Variants in NDST3 observed in about 807,000 individuals in gnomAD.
NDST3 encodes bifunctional heparan sulfate N-deacetylase/N-sulfotransferase 3.
Under a neutral mutation model 96.1 loss-of-function variants are expected in NDST3, and 58 were observed. The ratio of observed to expected loss-of-function variants is 0.60; its 90% confidence interval spans 0.49 to 0.75. NDST3 has a LOEUF of 0.75. Among genes scored for constraint, NDST3 ranks in the 30% least tolerant of loss-of-function variants. The pLI, the probability that NDST3 is intolerant of heterozygous loss-of-function variation, is 0.00. For missense variants in NDST3, 788 were observed against 1,034.2 expected (o/e 0.76, Z 3.27); for synonymous variants, 333 against 359.7 (o/e 0.93, Z 0.84).
chr4:118,253,482 AT>A lies in NDST3; in HGVS notation c.2400-15del. On this transcript the variant is annotated splice_polypyrimidine_tract_variant and intron_variant, in intron 12 of 13. Transcript: ENST00000296499. ...ATGATTTTCTGGTTTTTCTGTGTGT[AT>A]TCTTTTTTTTTTTAGGTTTGATTCT... 4.9e-6 allele frequency: 7 copies of A among 1,441,670 alleles called. No individual in the cohort carries two copies. Among genetic ancestry groups the A allele is most frequent in the Non-Finnish European group, 6.5e-6 (7 of 1,071,556 alleles). The allele number at this position is 1,441,670 out of a possible 1,614,324, so 89.3% of individuals were successfully genotyped here.
At chr4:118,100,485 G>C (rs189558004) in intron 2 of NDST3, among the ~76,000 whole-genome samples, 65 of 152,088 alleles carry the variant, frequency 4.3e-4, no homozygotes, top group African/African-American at 1.5e-3. Context: ...CCTGTCTCTG[G>C]AAAATCCTAA....
chr4:118,253,469 T>C (rs1285451498), intron 12 of NDST3, 30 bp from the exon 13 acceptor site: 2 of 1,476,184 alleles, frequency 1.4e-6, no homozygotes, highest in African/African-American at 3.0e-5. Flanking sequence ...GATTTTCTGG[T>C]TTTTCTGTGT....
intron 6 of NDST3, among the ~76,000 whole-genome samples, chr4:118,151,577 A>G (rs1734403460): frequency 6.6e-6 from 1 of 152,066 alleles, no homozygotes; most frequent in Non-Finnish European, 1.5e-5. Context: ...CTTTAGGTAA[A>G]TGTTAGGATC....
At chr4:118,252,904 GA>G (rs919145732) in intron 12 of NDST3, among the ~76,000 whole-genome samples, 2 of 151,522 alleles carry the variant, frequency 1.3e-5, no homozygotes, top group Admixed American at 1.3e-4. Flanking sequence ...AAAAGAGAAA[GA>G]AAAAAGAAAA....
In NDST3 at chr4:118,258,036, A is replaced by G. The variant is rs1384939381; in HGVS notation, c.*2324A>G. On this transcript the variant is annotated 3_prime_UTR_variant, in exon 14 of 14. Transcript: ENST00000296499. ...GAAAAACTGATACATTTATGCTTTA[A>G]TGGTAAGATGTACATTTGAACTGCT... 6.6e-6 allele frequency: 1 copy of G among 152,236 alleles called. No individual in the cohort carries two copies. Among genetic ancestry groups the G allele is most frequent in the East Asian group, 1.9e-4 (1 of 5,206 alleles). The allele number at this position is 152,236 out of a possible 1,614,324, so 9.4% of individuals were successfully genotyped here. A position where few individuals can be genotyped will look rare whatever the true frequency, so the allele number is the denominator to read the frequency against.
intron 4 of NDST3, among the ~76,000 whole-genome samples, chr4:118,118,923 T>C (rs1340715642): frequency 2.0e-5 from 3 of 152,190 alleles, no homozygotes; most frequent in African/African-American, 7.2e-5. Context: ...ATACTCTCAA[T>C]TGAAGAACTG....
chr4:118,193,475 G>C (rs1465684543), intron 6 of NDST3: 1 of 773,628 alleles, frequency 1.3e-6, no homozygotes, highest in Non-Finnish European at 2.2e-6. Context: ...CTCTGTGTCA[G>C]TGAGATTGTC....
At chr4:118,088,831 G>T (rs545903333) in intron 2 of NDST3, among the ~76,000 whole-genome samples, 1 of 152,012 alleles carries the variant, frequency 6.6e-6, no homozygotes, top group Admixed American at 6.6e-5. Context: ...AGAAGTTTAG[G>T]TATTAACTCA....
chr4:118,208,167 A>C (rs533043907), intron 6 of NDST3, among the ~76,000 whole-genome samples: 1 of 144,316 alleles, frequency 6.9e-6, no homozygotes, highest in African/African-American at 2.6e-5. Context: ...ATAATACACC[A>C]AATGTGAATC....
At chr4:118,095,652 T>A (rs1025580107) in intron 2 of NDST3, among the ~76,000 whole-genome samples, 6 of 151,876 alleles carry the variant, frequency 4.0e-5, no homozygotes, top group Admixed American at 3.9e-4. Flanking sequence ...ATTCACAGTA[T>A]TGTGCCACTA....
At chr4:118,053,390 G>A (rs947854056) in intron 1 of NDST3, among the ~76,000 whole-genome samples, 38 of 151,980 alleles carry the variant, frequency 2.5e-4, no homozygotes, top group African/African-American at 8.5e-4. Flanking sequence ...AACAGCTTGA[G>A]TATGTATTAC....
intron 2 of NDST3, among the ~76,000 whole-genome samples, chr4:118,098,565 C>T (rs1407119475): frequency 3.9e-5 from 6 of 152,022 alleles, no homozygotes; most frequent in Non-Finnish European, 8.8e-5. Flanking sequence ...GAAAATCATT[C>T]TTCACCGCTG....
chr4:118,203,104 G>A (rs919085236), intron 6 of NDST3, among the ~76,000 whole-genome samples: 3 of 152,104 alleles, frequency 2.0e-5, no homozygotes, highest in Admixed American at 6.6e-5. Context: ...TGCTTATGTA[G>A]TGAATCACAT....
rs572332213 is a variant in NDST3, at chr4:118,068,616, CA to C, written c.981+13726del. 9.1e-4 allele frequency among the ~76,000 whole-genome samples: 138 copies of C among 152,042 alleles called. 2 individuals are homozygous for C. Among genetic ancestry groups the C allele is most frequent in the African/African-American group, 3.1e-3 (129 of 41,494 alleles). On this transcript the variant is annotated intron_variant, in intron 2 of 13. Transcript: ENST00000296499. ...CTCAAAGATTTTTGTCTTGGTAGAT[CA>C]GGGGGAAGTGAGGGGCCCAGATCAC...
intron 2 of NDST3, among the ~76,000 whole-genome samples, chr4:118,066,218 A>ATCTT (rs1560617831): frequency 3.5e-4 from 22 of 62,822 alleles, no homozygotes; most frequent in African/African-American, 1.4e-3. Flanking sequence ...TATTATACAT[A>ATCTT]ATATATTATA....
rs533822856 is a variant in NDST3, at chr4:118,099,833, G to C, written c.982-5185G>C. The stretch of plus-strand genomic sequence containing the variant: ...TTCAGCATATTTCAATGTTTTTCTT[G>C]TCTAAGCACAAGTCTTGTATAGTCT... On this transcript the variant is annotated intron_variant, in intron 2 of 13. Transcript: ENST00000296499. Among the ~76,000 whole-genome samples the C allele has an allele frequency of 3.9e-4, 60 of 152,020 alleles. No individual in the cohort carries two copies. In the Middle Eastern group the frequency reaches 0.01, roughly 26 times the overall value.
intron 6 of NDST3, among the ~76,000 whole-genome samples, chr4:118,184,630 C>T (rs891637828): frequency 1.2e-4 from 18 of 151,608 alleles, no homozygotes; most frequent in Non-Finnish European, 2.7e-4. Context: ...CACACACACA[C>T]ACACACACAC....
chr4:118,166,370 GAGC>G (rs2125931762), intron 6 of NDST3, among the ~76,000 whole-genome samples: 1 of 151,944 alleles, frequency 6.6e-6, no homozygotes, highest in Non-Finnish European at 1.5e-5. Flanking sequence ...TAGAAAATCT[GAGC>G]AGGCTTGTAA....
At position 118,197,565 on chromosome 4, in the gene NDST3, C is replaced by T. The variant is rs187086164; in HGVS notation, c.1540-26926C>T. ...GAACCCCTTATCATTATATAGTGACCTTCTTTGTCTATTCTTACAGTTTTT... is the reference window on the plus strand; with the variant it reads ...GAACCCCTTATCATTATATAGTGACTTTCTTTGTCTATTCTTACAGTTTTT... On this transcript the variant is annotated intron_variant, in intron 6 of 13. Transcript: ENST00000296499. Among the ~76,000 whole-genome samples the T allele has an allele frequency of 8.2e-3, 1,240 of 152,086 alleles. 6 individuals carry two copies. The highest frequency in any genetic ancestry group is 0.014 in the Non-Finnish European group (939 of 67,990).
Sources: gnomAD v4.1 joint callset for allele counts (sites outside exome capture counted in the v4.1 genomes callset) on GRCh38, gnomAD v4.1.1 for gene constraint, MANE v1.5 for transcripts, NCBI Gene and HGNC (gene_info 2026-07-23, HGNC 2026-07-21) for gene names.